The following LRP1B variants were observed in gnomAD, a reference collection of about 807,000 sequenced individuals.
LRP1B encodes the protein low-density lipoprotein receptor-related protein 1B.
Under a neutral mutation model 556.6 loss-of-function variants are expected in LRP1B, and 217 were observed. The ratio of observed to expected loss-of-function variants is 0.39; its 90% CI spans 0.35 to 0.44. The LOEUF is 0.44. Among genes scored for constraint, LRP1B ranks in the 20% least tolerant of loss-of-function variants. The probability of loss-of-function intolerance (pLI) is 1.00; values close to 1 mark genes in which losing one functional copy is unlikely to be tolerated. For missense variants in LRP1B, 5,053 were observed against 5,620.8 expected, an observed-to-expected ratio of 0.90 and a Z score of 3.23; for synonymous variants, 2,047 against 1,865.8, an observed-to-expected ratio of 1.10 and a Z score of -2.50.
At chr2:141,021,722 T>G (rs182812094) in intron 11 of LRP1B, among the ~76,000 whole-genome samples, 62 of 152,138 alleles carry the variant, frequency 4.1e-4, no homozygotes, top group Non-Finnish European at 8.8e-4. Flanking sequence ...AGACTTATTT[T>G]TTTCATATGA....
At chr2:140,499,804 C>T (rs1689103433) in intron 55 of LRP1B, among the ~76,000 whole-genome samples, 1 of 151,824 alleles carries the variant, frequency 6.6e-6, no homozygotes, top group Admixed American at 6.6e-5. Context: ...TATAGGAACA[C>T]CACTGTATAA....
chr2:141,116,157 T>TA (rs980483782), intron 7 of LRP1B, among the ~76,000 whole-genome samples: 6 of 152,138 alleles, frequency 3.9e-5, no homozygotes, highest in African/African-American at 7.2e-5. Flanking sequence ...ATTCCTAAAG[T>TA]AAAAAAACTG....
intron 7 of LRP1B, among the ~76,000 whole-genome samples, chr2:141,110,638 A>AT (rs10655870): frequency 0.011 from 1,683 of 149,724 alleles, 28 homozygotes; most frequent in African/African-American, 0.035. Flanking sequence ...TGTAATCATG[A>AT]TTTTTTTTTT....
chr2:141,939,473 G>A (rs1378173458), intron 1 of LRP1B, among the ~76,000 whole-genome samples: 1 of 152,050 alleles, frequency 6.6e-6, no homozygotes, highest in Admixed American at 6.5e-5. Flanking sequence ...GTGTGTAAGA[G>A]CTGGCCTGCT....
At position 141,127,467 on chromosome 2, in the gene LRP1B, T is replaced by C. The variant is rs561204473; in HGVS notation, c.1013+60954A>G. On this transcript the variant is annotated intron_variant, in intron 7 of 90. Transcript: ENST00000389484. Reference sequence around the variant, plus strand: ...ATGTTTATTGCAGCACTATTCACAATAGTAAAGACTTGGAACCAACCCAAA... The same window carrying C: ...ATGTTTATTGCAGCACTATTCACAACAGTAAAGACTTGGAACCAACCCAAA... Among the ~76,000 whole-genome samples the C allele has an allele frequency of 2.0e-5, 3 of 152,214 alleles. No homozygotes were observed. The South Asian group carries it at 6.2e-4, about 32-fold the overall frequency.
At chr2:141,439,500 TAAC>T (rs1047053174) in intron 3 of LRP1B, among the ~76,000 whole-genome samples, 9 of 151,920 alleles carry the variant, frequency 5.9e-5, no homozygotes, top group Non-Finnish European at 1.0e-4. Context: ...TTATAAGTAA[TAAC>T]ACATAAAACT....
intron 3 of LRP1B, among the ~76,000 whole-genome samples, chr2:141,429,386 A>G (rs961424674): frequency 1.4e-4 from 22 of 152,220 alleles, no homozygotes; most frequent in Admixed American, 1.4e-3. Flanking sequence ...ACTTTGAATG[A>G]CACAATTAGA....
intron 25 of LRP1B, among the ~76,000 whole-genome samples, chr2:140,869,404 AG>A (rs1353025922): frequency 1.3e-5 from 2 of 152,068 alleles, no homozygotes; most frequent in Non-Finnish European, 2.9e-5. Context: ...CTGCCAAATT[AG>A]GGGAATAAAA....
Position 141,911,099 on chromosome 2 carries a change from G to GT in LRP1B, c.83-100699dup, listed in dbSNP as rs561937289. Among the ~76,000 whole-genome samples the GT allele has an allele frequency of 1.1e-4, 16 of 151,860 alleles. No individual in the cohort carries two copies. The East Asian group carries it at 1.2e-3, about 11-fold the overall frequency. ...TTTTGACTCAAAATACAGTTTTAAG[G>GT]TTTTTTTAATACCACTTAAGTATTC... is the stretch of plus-strand genomic sequence containing the variant. On this transcript the variant is annotated intron_variant, in intron 1 of 90. Coordinates refer to ENST00000389484, the MANE Select transcript of LRP1B (RefSeq NM_018557.3).
intron 2 of LRP1B, among the ~76,000 whole-genome samples, chr2:141,492,965 C>A (rs1683387855): frequency 6.6e-6 from 1 of 152,052 alleles, no homozygotes; most frequent in African/African-American, 2.4e-5. Context: ...ACAAACTGTC[C>A]TTTATTGCAT....
intron 14 of LRP1B, among the ~76,000 whole-genome samples, chr2:141,009,231 A>G (rs1253852767): frequency 6.6e-6 from 1 of 151,208 alleles, no homozygotes; most frequent in Admixed American, 6.6e-5. Context: ...TCGAGCTTGT[A>G]GTTTAGAAGA....
chr2:141,123,508 C>G (rs1031937550), intron 7 of LRP1B, among the ~76,000 whole-genome samples: 1 of 152,020 alleles, frequency 6.6e-6, no homozygotes, highest in Admixed American at 6.6e-5. Flanking sequence ...GTTTTGAAAA[C>G]TGATATTCTA....
intron 3 of LRP1B, among the ~76,000 whole-genome samples, chr2:141,255,980 G>T (rs1156401393): frequency 2.0e-5 from 3 of 151,950 alleles, no homozygotes. Flanking sequence ...TAATCACGCT[G>T]CTACAGTTCC....
chr2:140,552,569 CCT>C (rs2105054526), intron 43 of LRP1B, among the ~76,000 whole-genome samples: 1 of 152,140 alleles, frequency 6.6e-6, no homozygotes, highest in African/African-American at 2.4e-5. Flanking sequence ...CATTAAATTA[CCT>C]GTTTCAATTT....
intron 1 of LRP1B, among the ~76,000 whole-genome samples, chr2:141,930,226 A>T (rs1237981148): frequency 1.3e-5 from 2 of 152,054 alleles, no homozygotes; most frequent in Non-Finnish European, 2.9e-5. Context: ...TATTAAACTA[A>T]GTAATAGTTA....
intron 86 of LRP1B, among the ~76,000 whole-genome samples, chr2:140,250,084 A>G (rs1272977198): frequency 6.6e-6 from 1 of 151,786 alleles, no homozygotes; most frequent in East Asian, 1.9e-4. Flanking sequence ...ATTCTCTGCT[A>G]TTCATCCGGG....
chr2:141,403,953 A>G (rs1158272759), intron 3 of LRP1B, among the ~76,000 whole-genome samples: 2 of 152,150 alleles, frequency 1.3e-5, no homozygotes, highest in East Asian at 3.9e-4. Context: ...TCGTTTCATA[A>G]TCCTTCCAAA....
intron 31 of LRP1B, among the ~76,000 whole-genome samples, chr2:140,831,613 C>T (rs1691719287): frequency 6.6e-6 from 1 of 152,068 alleles, no homozygotes. Flanking sequence ...TGGGTCTGGG[C>T]AATGATTCCT....
chr2:140,313,778 G>A (rs1684404928), intron 83 of LRP1B, among the ~76,000 whole-genome samples: 1 of 151,676 alleles, frequency 6.6e-6, no homozygotes, highest in African/African-American at 2.4e-5. Flanking sequence ...TTTTTCTGTA[G>A]TAACAGAATA....
Sources: allele counts gnomAD v4.1 joint callset (sites outside exome capture counted in the v4.1 genomes callset), GRCh38; gene constraint gnomAD v4.1.1; transcripts MANE v1.5; gene names NCBI Gene and HGNC (gene_info 2026-07-23, HGNC 2026-07-21).